Variants in STPG2 observed in about 807,000 individuals in gnomAD.
STPG2 encodes the protein sperm tail PG-rich repeat containing 2.
STPG2 carries 56 observed loss-of-function variants against 54.2 expected under a neutral mutation model. The observed-to-expected ratio is 1.03, with a 90% CI of 0.83 to 1.29. STPG2 has a LOEUF of 1.29. Among genes scored for constraint, STPG2 ranks in the 50% most tolerant of loss-of-function variants. The pLI, the probability that STPG2 is intolerant of heterozygous loss-of-function variation, is 0.00. For missense variants in STPG2, 596 were observed against 544.9 expected, an observed-to-expected ratio of 1.09 and a Z score of -0.93; for synonymous variants, 200 against 181.8, an observed-to-expected ratio of 1.10 and a Z score of -0.81.
chr4:97,602,886 A>T (rs957836939), intron 10 of STPG2, among the ~76,000 whole-genome samples: 2 of 151,764 alleles, frequency 1.3e-5, no homozygotes, highest in African/African-American at 4.8e-5. Context: ...TAAGGATAGA[A>T]AAAACAAAAT....
chr4:97,618,832 T>C (rs1733935529), intron 10 of STPG2, among the ~76,000 whole-genome samples: 1 of 152,224 alleles, frequency 6.6e-6, no homozygotes, highest in African/African-American at 2.4e-5. Context: ...CACCCATTAC[T>C]AGTAAGCCTT....
chr4:97,505,881 T>G (rs1034413810), intron 4 of STPG2, among the ~76,000 whole-genome samples: 1 of 151,484 alleles, frequency 6.6e-6, no homozygotes, highest in African/African-American at 2.4e-5. Flanking sequence ...TTATGGATAT[T>G]TAGTTGTACA....
intron 4 of STPG2, among the ~76,000 whole-genome samples, chr4:97,488,323 C>T (rs149976357): frequency 1.8e-3 from 270 of 151,748 alleles, no homozygotes; most frequent in African/African-American, 6.3e-3. Flanking sequence ...ACTTCAAATA[C>T]ATTAATTTAA....
chr4:97,953,564 A>G (rs1386094310), intron 7 of STPG2, among the ~76,000 whole-genome samples: 1 of 152,236 alleles, frequency 6.6e-6, no homozygotes, highest in Non-Finnish European at 1.5e-5. Flanking sequence ...ACACAGAATC[A>G]GGAATGGCTT....
chr4:97,612,843 T>C (rs1733764837), intron 10 of STPG2, among the ~76,000 whole-genome samples: 1 of 152,026 alleles, frequency 6.6e-6, no homozygotes. Flanking sequence ...TCCAAAGTAA[T>C]AATAAATGAT....
intron 10 of STPG2, among the ~76,000 whole-genome samples, chr4:97,570,643 G>T (rs932341889): frequency 6.6e-6 from 1 of 151,886 alleles, no homozygotes; most frequent in Non-Finnish European, 1.5e-5. Context: ...GGAGTCTTAT[G>T]GAAATGGAGA....
At chr4:98,029,674 C>T (rs567344955) in intron 5 of STPG2, among the ~76,000 whole-genome samples, 17 of 152,202 alleles carry the variant, frequency 1.1e-4, no homozygotes, top group Admixed American at 2.0e-4. Context: ...CCTAGGGTTG[C>T]GTGCTCTTAT....
At chr4:97,690,181 T>TTTCTCAGTA (rs1331415370) in intron 10 of STPG2, among the ~76,000 whole-genome samples, 1 of 152,172 alleles carries the variant, frequency 6.6e-6, no homozygotes, top group African/African-American at 2.4e-5. Context: ...CATCACCTTT[T>TTTCTCAGTA]TTCTCAGTAA....
At chr4:98,053,463 C>G (rs926099386) in intron 5 of STPG2, among the ~76,000 whole-genome samples, 1 of 151,994 alleles carries the variant, frequency 6.6e-6, no homozygotes, top group African/African-American at 2.4e-5. Context: ...GAGACAAACT[C>G]TATTAGAGCC....
At chr4:97,985,976 A>G (rs1265857912) in intron 5 of STPG2, among the ~76,000 whole-genome samples, 1 of 151,944 alleles carries the variant, frequency 6.6e-6, no homozygotes, top group Non-Finnish European at 1.5e-5. Context: ...ACACATACAC[A>G]CACACAGAAA....
At chr4:98,142,334 T>C (rs570909898) in intron 1 of STPG2, among the ~76,000 whole-genome samples, 1 of 152,344 alleles carries the variant, frequency 6.6e-6, no homozygotes, top group African/African-American at 2.4e-5. Flanking sequence ...AACTATCATT[T>C]GGACGGTATT....
intron 5 of STPG2, among the ~76,000 whole-genome samples, chr4:98,027,379 C>T (rs1736457823): frequency 6.6e-6 from 1 of 152,042 alleles, no homozygotes; most frequent in Non-Finnish European, 1.5e-5. Context: ...CCTAATATTC[C>T]CAAGAGTCTT....
At chr4:97,850,530 T>C (rs1045599586) in intron 8 of STPG2, among the ~76,000 whole-genome samples, 1 of 151,908 alleles carries the variant, frequency 6.6e-6, no homozygotes, top group African/African-American at 2.4e-5. Context: ...AATTTTTTCA[T>C]AAGAAGTATC....
intron 5 of STPG2, among the ~76,000 whole-genome samples, chr4:98,012,934 C>T (rs761436972): frequency 3.9e-5 from 6 of 152,188 alleles, no homozygotes; most frequent in Non-Finnish European, 8.8e-5. Flanking sequence ...TATCTGAATA[C>T]TCTTTAATTC....
intron 4 of STPG2, among the ~76,000 whole-genome samples, chr4:97,506,133 C>T (rs1295607021): frequency 6.7e-6 from 1 of 149,554 alleles, no homozygotes; most frequent in Admixed American, 6.7e-5. Context: ...TGCAAACTCA[C>T]TTCAAGACAG....
chr4:98,031,860 A>G (rs1473772021), intron 5 of STPG2, among the ~76,000 whole-genome samples: 1 of 152,176 alleles, frequency 6.6e-6, no homozygotes, highest in Non-Finnish European at 1.5e-5. Context: ...GAAAACAAAC[A>G]AGTCAGTAAG....
chr4:97,848,392 T>C (rs1729034535), intron 8 of STPG2, among the ~76,000 whole-genome samples: 1 of 152,146 alleles, frequency 6.6e-6, no homozygotes, highest in Non-Finnish European at 1.5e-5. Flanking sequence ...CAAAATTTCC[T>C]CAGATAAGAT....
intron 10 of STPG2, among the ~76,000 whole-genome samples, chr4:97,661,868 A>G (rs1227313527): frequency 2.6e-5 from 4 of 152,184 alleles, no homozygotes; most frequent in African/African-American, 7.2e-5. Context: ...TTTGGCAAGC[A>G]TTGCCAAGAA....
intron 9 of STPG2, among the ~76,000 whole-genome samples, chr4:97,726,935 T>C (rs1258722540): frequency 6.6e-6 from 1 of 151,910 alleles, no homozygotes; most frequent in Non-Finnish European, 1.5e-5. Context: ...TGATGTTTCA[T>C]TGAAAATGAA....
Sources: allele counts gnomAD v4.1 joint callset (sites outside exome capture counted in the v4.1 genomes callset), GRCh38; gene constraint gnomAD v4.1.1; transcripts MANE v1.5; gene names NCBI Gene and HGNC (gene_info 2026-07-23, HGNC 2026-07-21).